The following CFAP54 variants were observed in gnomAD, a reference collection of about 807,000 sequenced individuals.
The protein encoded by CFAP54 is cilia and flagella associated protein 54.
CFAP54 carries 290 observed loss-of-function variants against 370.4 expected under a neutral mutation model. That is an observed-to-expected ratio of 0.78 (90% CI 0.71 to 0.86). The LOEUF is 0.86. Ranked by LOEUF, CFAP54 falls within the 40% of genes least tolerant of loss-of-function variation. The pLI is 0.00. For missense variants in CFAP54, 3,399 were observed against 3,528.7 expected (o/e 0.96, Z 0.93); for synonymous variants, 1,206 against 1,236.5 (o/e 0.98, Z 0.52).
chr12:96,836,320 T>C (rs1382970855), intron 66 of CFAP54, among the ~76,000 whole-genome samples: 1 of 152,150 alleles, frequency 6.6e-6, no homozygotes, highest in Non-Finnish European at 1.5e-5. Context: ...AGGGAAAACA[T>C]AAGGATTGAG....
At chr12:96,668,427 A>G (rs1276894498) in intron 39 of CFAP54, among the ~76,000 whole-genome samples, 1 of 152,216 alleles carries the variant, frequency 6.6e-6, no homozygotes. Context: ...TGGAAGGAGA[A>G]GGAGGAGCAA....
chr12:96,774,254 G>A (rs6538740), intron 60 of CFAP54, among the ~76,000 whole-genome samples: 58,781 of 151,832 alleles, frequency 0.39, 12,161 homozygotes, highest in South Asian at 0.54. Context: ...TTCAGTTGTT[G>A]CTTAACATTT....
chr12:96,826,916 ATATGATTATATATAATATGCAATTATG>A (rs1488180572), intron 65 of CFAP54, among the ~76,000 whole-genome samples: 6 of 129,112 alleles, frequency 4.6e-5, no homozygotes, highest in Non-Finnish European at 7.8e-5. Context: ...ATGCAATTAT[ATATGATTATATATAATATGCAATTATG>A]TATGATTATA....
chr12:96,512,350 T>C (rs1417680376), intron 4 of CFAP54, among the ~76,000 whole-genome samples: 1 of 120,328 alleles, frequency 8.3e-6, no homozygotes, highest in Non-Finnish European at 1.8e-5. Flanking sequence ...TATATATATA[T>C]GTATATATTT....
At chr12:96,740,365 A>C (rs937789591) in intron 51 of CFAP54, among the ~76,000 whole-genome samples, 1 of 152,250 alleles carries the variant, frequency 6.6e-6, no homozygotes, top group Non-Finnish European at 1.5e-5. Context: ...TTATCTACCT[A>C]GCAAATAAAG....
At chr12:96,594,528 A>T in intron 25 of CFAP54, 82 bp downstream of exon 25, 1 of 1,145,724 alleles carries the variant, frequency 8.7e-7, no homozygotes, top group Non-Finnish European at 1.2e-6. Context: ...AAAGCCATGT[A>T]TCTCTTATAA....
In CFAP54 at chr12:96,743,424, G is replaced by A. The variant is rs1958073994; in HGVS notation, c.7242G>A (p.Leu2414=). The A allele has an allele frequency of 3.7e-6, 6 of 1,613,958 alleles. No homozygotes were observed. The highest frequency in any genetic ancestry group is 5.1e-6 in the Non-Finnish European group (6 of 1,179,908). The change falls in exon 53 of 68, where the codon CTG becomes CTA. Residue 2414 remains leucine (L), a synonymous_variant. Transcript: ENST00000524981. ...TAGAGGATGATATGACAGATTGCCTGAGCCTCATCAATGAAGTGTGTATGG... is the reference window on the plus strand; with the variant it reads ...TAGAGGATGATATGACAGATTGCCTAAGCCTCATCAATGAAGTGTGTATGG... ...IVKEDDMTDC[L]SLINEVCMEA...
intron 60 of CFAP54, among the ~76,000 whole-genome samples, chr12:96,774,683 A>G (rs1267321442): frequency 6.6e-6 from 1 of 152,186 alleles, no homozygotes; most frequent in Non-Finnish European, 1.5e-5. Context: ...ATATTTAGAC[A>G]TTAACTTAGA....
chr12:96,553,282 G>A (rs889073883), intron 15 of CFAP54, among the ~76,000 whole-genome samples: 1 of 152,002 alleles, frequency 6.6e-6, no homozygotes, highest in African/African-American at 2.4e-5. Context: ...AACAACATAT[G>A]GTTGAGTTTT....
rs1240307012 is a variant in CFAP54, at chr12:96,745,344, A to G, written c.7684+1198A>G. ...CCTTTTTCTCTGCAACCTTGCCAGC[A>G]TCTGTTGTTTTTTGACTTTTTAATA... On this transcript the variant is annotated intron_variant, in intron 55 of 67. Transcript: ENST00000524981. 3.3e-5 allele frequency among the ~76,000 whole-genome samples: 5 copies of G among 152,166 alleles called. No individual in the cohort carries two copies. In the East Asian group the frequency reaches 9.6e-4, roughly 29 times the overall value.
intron 47 of CFAP54, among the ~76,000 whole-genome samples, chr12:96,705,532 G>T (rs989804784): frequency 2.0e-5 from 3 of 151,966 alleles, no homozygotes; most frequent in Non-Finnish European, 4.4e-5. Flanking sequence ...AGTGTTCCAA[G>T]ACCTTGGGGT....
At chr12:96,555,582 TATATA>T (rs1485803877) in intron 17 of CFAP54, among the ~76,000 whole-genome samples, 1 of 148,524 alleles carries the variant, frequency 6.7e-6, no homozygotes, top group Non-Finnish European at 1.5e-5. Context: ...TAATATGTAA[TATATA>T]ATATGTAATT....
At chr12:96,555,742 A>C (rs1305244202) in intron 17 of CFAP54, among the ~76,000 whole-genome samples, 1 of 151,790 alleles carries the variant, frequency 6.6e-6, no homozygotes, top group Non-Finnish European at 1.5e-5. Context: ...AAAAATGTTA[A>C]AGAACTATAT....
intron 50 of CFAP54, among the ~76,000 whole-genome samples, chr12:96,726,968 C>T (rs1191696990): frequency 6.6e-6 from 1 of 152,290 alleles, no homozygotes; most frequent in East Asian, 1.9e-4. Flanking sequence ...TGTTCAGTTT[C>T]CATGTAGTTG....
In CFAP54 at chr12:96,750,285, TGCA is replaced by T. The variant is rs372696653; in HGVS notation, c.7685-3431_7685-3429del. Among the ~76,000 whole-genome samples the T allele has an allele frequency of 7.0e-3, 1,056 of 151,592 alleles. 4 individuals carry two copies. The highest frequency in any genetic ancestry group is 0.01 in the Non-Finnish European group (693 of 67,832). ...CACCTTCTAGGACCCACCTGTCTCC[TGCA>T]GCAGCAGCAGCAGCAGCAGCAGCAG... On this transcript the variant is annotated intron_variant, in intron 55 of 67. Transcript: ENST00000524981.
intron 15 of CFAP54, among the ~76,000 whole-genome samples, chr12:96,549,882 G>T (rs1025438427): frequency 5.9e-5 from 9 of 152,156 alleles, no homozygotes; most frequent in African/African-American, 2.2e-4. Flanking sequence ...ACGGTTTATT[G>T]TAAGGAGAAT....
At chr12:96,625,045 G>T (rs971233167) in intron 28 of CFAP54, among the ~76,000 whole-genome samples, 1 of 151,986 alleles carries the variant, frequency 6.6e-6, no homozygotes, top group African/African-American at 2.4e-5. Context: ...AATTCTCCCT[G>T]GTGGTCTAAT....
At chr12:96,625,922 A>G in intron 29 of CFAP54, 115 bp downstream of exon 29, 1 of 786,250 alleles carries the variant, frequency 1.3e-6, no homozygotes. Context: ...CAGGCAGAAT[A>G]TTTTGAATTC....
intron 50 of CFAP54, among the ~76,000 whole-genome samples, chr12:96,730,852 A>G (rs1478990667): frequency 6.6e-6 from 1 of 152,240 alleles, no homozygotes; most frequent in East Asian, 1.9e-4. Context: ...AGGCTGTTCC[A>G]TGACTAACCA....
Sources: gnomAD v4.1 joint callset for allele counts (sites outside exome capture counted in the v4.1 genomes callset) on GRCh38, gnomAD v4.1.1 for gene constraint, MANE v1.5 for transcripts, NCBI Gene and HGNC (gene_info 2026-07-23, HGNC 2026-07-21) for gene names.